Variants in SNTB1 observed in about 807,000 individuals in gnomAD.
The protein encoded by SNTB1 is beta-1-syntrophin.
Under a neutral mutation model 48.9 loss-of-function variants are expected in SNTB1, and 36 were observed. That is an observed-to-expected ratio of 0.74 (90% CI 0.56 to 0.97). SNTB1 has a LOEUF of 0.97. Ranked by LOEUF, SNTB1 falls within the 50% of genes least tolerant of loss-of-function variation. SNTB1 has a pLI of 0.00. For synonymous variants in SNTB1, 299 were observed against 294.6 expected (o/e 1.01, Z -0.15); for missense variants, 786 against 703.4 (o/e 1.12, Z -1.33).
At chr8:120,791,683 C>T (rs1414305227) in intron 1 of SNTB1, among the ~76,000 whole-genome samples, 2 of 151,710 alleles carry the variant, frequency 1.3e-5, no homozygotes, top group Non-Finnish European at 2.9e-5. Context: ...TATACAAATT[C>T]CAACAAACAT....
chr8:120,563,168 C>T (rs2130670206), intron 4 of SNTB1, among the ~76,000 whole-genome samples: 1 of 152,224 alleles, frequency 6.6e-6, no homozygotes, highest in South Asian at 2.1e-4. Flanking sequence ...GGTTAAACCT[C>T]CTCTATAACT....
chr8:120,771,683 C>CT (rs768249144), intron 1 of SNTB1, among the ~76,000 whole-genome samples: 4,698 of 143,072 alleles, frequency 0.033, 85 homozygotes, highest in Admixed American at 0.052. Context: ...AACCATGCCT[C>CT]TTTTTTTTTT....
chr8:120,654,904 A>G (rs1457233175), intron 2 of SNTB1: 2 of 446,664 alleles, frequency 4.5e-6, no homozygotes, highest in African/African-American at 2.0e-5. Context: ...GACTCTGGAG[A>G]AAACACAGAT....
chr8:120,692,660 T>A (rs1563853181), intron 2 of SNTB1, among the ~76,000 whole-genome samples: 2 of 152,094 alleles, frequency 1.3e-5, no homozygotes. Context: ...GAAACAGCAT[T>A]CCAGACTTGG....
chr8:120,795,926 G>A (rs1281675125), intron 1 of SNTB1, among the ~76,000 whole-genome samples: 2 of 151,936 alleles, frequency 1.3e-5, no homozygotes, highest in Non-Finnish European at 2.9e-5. Flanking sequence ...AAAGCCACCA[G>A]TCTTACTGGA....
intron 3 of SNTB1, among the ~76,000 whole-genome samples, chr8:120,616,298 ATTTTT>A (rs137921428): frequency 3.3e-5 from 4 of 122,110 alleles, no homozygotes; most frequent in African/African-American, 3.2e-5. Context: ...GATTAGCTTG[ATTTTT>A]TTTTTTTTTT....
intron 1 of SNTB1, among the ~76,000 whole-genome samples, chr8:120,695,047 T>G (rs1818189440): frequency 6.6e-6 from 1 of 152,150 alleles, no homozygotes; most frequent in African/African-American, 2.4e-5. Context: ...TAGGCAGCTT[T>G]TGGGTTAACA....
chr8:120,699,419 G>T (rs569181595), intron 1 of SNTB1, among the ~76,000 whole-genome samples: 3 of 152,078 alleles, frequency 2.0e-5, no homozygotes, highest in Non-Finnish European at 4.4e-5. Context: ...CACCCAGTTG[G>T]TTCACTTGAG....
At chr8:120,665,768 C>T (rs1215468611) in intron 2 of SNTB1, among the ~76,000 whole-genome samples, 2 of 152,064 alleles carry the variant, frequency 1.3e-5, no homozygotes, top group African/African-American at 4.8e-5. Flanking sequence ...GATTGAAGTA[C>T]TTTTTGCATT....
intron 1 of SNTB1, among the ~76,000 whole-genome samples, chr8:120,716,498 G>A (rs1293751366): frequency 2.0e-5 from 3 of 152,156 alleles, no homozygotes. Context: ...TATTCCAGCA[G>A]CTGACTTTGC....
chr8:120,709,156 C>T (rs1481391810), intron 1 of SNTB1, among the ~76,000 whole-genome samples: 2 of 152,054 alleles, frequency 1.3e-5, no homozygotes, highest in African/African-American at 4.8e-5. Context: ...TAGGATAAAG[C>T]ACCTAGAACT....
At chr8:120,755,648 A>G in intron 1 of SNTB1, among the ~76,000 whole-genome samples, 2 of 152,308 alleles carry the variant, frequency 1.3e-5, no homozygotes, top group South Asian at 4.1e-4. Flanking sequence ...AATAACAATT[A>G]TAATAGTAGT....
At chr8:120,735,165 C>A (rs1294198600) in intron 1 of SNTB1, among the ~76,000 whole-genome samples, 1 of 152,128 alleles carries the variant, frequency 6.6e-6, no homozygotes, top group East Asian at 1.9e-4. Flanking sequence ...GAGGTCAATG[C>A]CACAAAGTTT....
intron 1 of SNTB1, among the ~76,000 whole-genome samples, chr8:120,739,770 T>G (rs1819012551): frequency 6.6e-6 from 1 of 152,214 alleles, no homozygotes; most frequent in African/African-American, 2.4e-5. Context: ...GTATTAAATA[T>G]TTACAAAGCA....
At chr8:120,762,806 G>A (rs1453691998) in intron 1 of SNTB1, among the ~76,000 whole-genome samples, 1 of 152,042 alleles carries the variant, frequency 6.6e-6, no homozygotes, top group Non-Finnish European at 1.5e-5. Context: ...CTCAATAAAT[G>A]CTTGCCGAAA....
intron 5 of SNTB1, among the ~76,000 whole-genome samples, chr8:120,545,762 C>T (rs1267881703): frequency 2.0e-5 from 3 of 152,240 alleles, no homozygotes; most frequent in South Asian, 2.1e-4. Flanking sequence ...GTGGCAAGCA[C>T]GACTGAGGAA....
chr8:120,564,448 G>A (rs770949670), intron 4 of SNTB1, among the ~76,000 whole-genome samples: 5 of 151,170 alleles, frequency 3.3e-5, no homozygotes, highest in South Asian at 4.2e-4. Flanking sequence ...CTCTAGAATT[G>A]TGAGAAAATA....
intron 3 of SNTB1, among the ~76,000 whole-genome samples, chr8:120,586,075 A>C (rs774738511): frequency 1.3e-5 from 2 of 152,230 alleles, no homozygotes; most frequent in African/African-American, 2.4e-5. Context: ...ACCTTCTAGA[A>C]AAGGAGTCAT....
At chr8:120,693,084 A>C (rs963371300) in intron 2 of SNTB1, among the ~76,000 whole-genome samples, 1 of 152,188 alleles carries the variant, frequency 6.6e-6, no homozygotes, top group Admixed American at 6.5e-5. Flanking sequence ...GAGAGGGAGC[A>C]AGAAAGAGCA....
Sources: gnomAD v4.1 joint callset for allele counts (sites outside exome capture counted in the v4.1 genomes callset) on GRCh38, gnomAD v4.1.1 for gene constraint, MANE v1.5 for transcripts, NCBI Gene and HGNC (gene_info 2026-07-23, HGNC 2026-07-21) for gene names.